Variants in VASP observed in about 807,000 individuals in gnomAD.
VASP encodes the protein vasodilator stimulated phosphoprotein, also known as vasodilator-stimulated phosphoprotein.
Under a neutral mutation model 54.4 loss-of-function variants are expected in VASP, and 27 were observed. The observed-to-expected ratio is 0.50, with a 90% CI of 0.37 to 0.68. VASP has a LOEUF of 0.68. VASP is among the 30% of genes least tolerant of loss of function. The probability of loss-of-function intolerance (pLI) is 0.00; values close to 1 mark genes in which losing one functional copy is unlikely to be tolerated. For synonymous variants in VASP, 233 were observed against 209.8 expected (o/e 1.11, Z -0.96); for missense variants, 488 against 528.3 (o/e 0.92, Z 0.75).
chr19:45,507,583 G>T lies in VASP; in HGVS notation c.-189G>T. On this transcript the variant is annotated 5_prime_UTR_variant, in exon 1 of 13. Transcript: ENST00000245932. This position sits in a 1 kb window ranked among gnomAD's most constrained non-coding sequence, Gnocchi z 4.4. ...GCAGGAACCTCTCATCAGACCGCCTGAGGGAAGCGGCGCCCGGAGACCCGC... is the reference window on the plus strand; with the variant it reads ...GCAGGAACCTCTCATCAGACCGCCTTAGGGAAGCGGCGCCCGGAGACCCGC... 4.9e-6 allele frequency: 3 copies of T among 610,854 alleles called. No individual in the cohort carries two copies. The highest frequency in any genetic ancestry group is 2.7e-6 in the Non-Finnish European group (1 of 372,144). The allele number at this position is 610,854 out of a possible 1,614,324, so 37.8% of individuals were successfully genotyped here.
At position 45,521,262 on chromosome 19, in the gene VASP, C is replaced by T. The variant is rs565433697; in HGVS notation, c.344-60C>T. On this transcript the variant is annotated intron_variant, in intron 3 of 12. Transcript: ENST00000245932. ...GGGAGGCCTGGGAGAGCAAGGGAAG[C>T]GCCAAGAGCTGAGCAGAGTTCTGGG... 5.4e-5 allele frequency: 80 copies of T among 1,477,790 alleles called. No homozygotes were observed. The African/African-American group carries it at 1.0e-3, about 19-fold the overall frequency. 91.5% of individuals were successfully genotyped at this position (1,477,790 alleles called of 1,614,324 possible). A position where few individuals can be genotyped will look rare whatever the true frequency, so the allele number is the denominator to read the frequency against.
chr19:45,519,754 T>C (rs543145562), intron 3 of VASP, among the ~76,000 whole-genome samples: 1 of 141,288 alleles, frequency 7.1e-6, no homozygotes, highest in African/African-American at 3.1e-5. Flanking sequence ...CGCCACCACA[T>C]CCAGCTAATT....
chr19:45,523,104 C>CT (rs1488266285), intron 7 of VASP, among the ~76,000 whole-genome samples: 1 of 151,876 alleles, frequency 6.6e-6, no homozygotes, highest in Non-Finnish European at 1.5e-5. Flanking sequence ...CAACACAGCA[C>CT]CGCTCCACCC....
In VASP at chr19:45,520,152, T is replaced by G. The variant is rs1054178774; in HGVS notation, c.344-1170T>G. On this transcript the variant is annotated intron_variant, in intron 3 of 12. Transcript: ENST00000245932. ...CCTGACCTCAGGTGATCCACTCGCC[T>G]CGGCCTCCCAGAGTGCTGAGATTAC... is the stretch of plus-strand genomic sequence containing the variant. 3.3e-5 allele frequency among the ~76,000 whole-genome samples: 5 copies of G among 152,232 alleles called. No individual in the cohort carries two copies. The East Asian group carries it at 9.7e-4, about 30-fold the overall frequency.
intron 7 of VASP, 67 bp from the exon 8 acceptor site, chr19:45,523,577 A>G: frequency 6.4e-7 from 1 of 1,569,606 alleles, no homozygotes; most frequent in Non-Finnish European, 8.7e-7. Flanking sequence ...CTACATTTCT[A>G]GAACTCCCCT....
At chr19:45,522,065 G>T in intron 4 of VASP, 103 bp from the exon 5 acceptor site, 1 of 1,526,846 alleles carries the variant, frequency 6.5e-7, no homozygotes, top group Non-Finnish European at 8.9e-7. Flanking sequence ...TTAGGAGCCA[G>T]CCACCCTGGA....
chr19:45,524,712 C>G (rs1352575023), intron 11 of VASP, 52 bp downstream of exon 11: 1 of 1,548,784 alleles, frequency 6.5e-7, no homozygotes. Context: ...TAGGTCTGGC[C>G]CCTGCCACTG....
intron 11 of VASP, among the ~76,000 whole-genome samples, chr19:45,525,290 G>A (rs1467834245): frequency 1.3e-5 from 2 of 152,164 alleles, no homozygotes; most frequent in African/African-American, 2.4e-5. Flanking sequence ...AAGGCCAGGT[G>A]CGGTGGCTCA....
At chr19:45,520,839 C>T (rs1968815347) in intron 3 of VASP, among the ~76,000 whole-genome samples, 1 of 152,194 alleles carries the variant, frequency 6.6e-6, no homozygotes, top group Non-Finnish European at 1.5e-5. Flanking sequence ...TGGCAGGCGC[C>T]TGTAATCCCA....
At chr19:45,526,091 G>T (rs1017223359) in intron 12 of VASP, 49 bp from the exon 13 acceptor site, 1 of 1,613,698 alleles carries the variant, frequency 6.2e-7, no homozygotes, top group Non-Finnish European at 8.5e-7. Context: ...TTTTGGAAGG[G>T]AGGAGGCAGA....
Position 45,522,148 on chromosome 19 carries a change from T to A in VASP, c.429-20T>A. ...CCTTAGGGCCCTGATTGACGGCAGC[T>A]CTCTCGCCTCCCCCCACAGGCAGCA... On this transcript the variant is annotated intron_variant, in intron 4 of 12. Transcript: ENST00000245932. 1 of 1,613,140 alleles carries A rather than the reference T, an allele frequency of 6.2e-7. No homozygotes were observed. Among genetic ancestry groups the A allele is most frequent in the Non-Finnish European group, 8.5e-7 (1 of 1,179,898 alleles).
chr19:45,524,364 C>A, intron 10 of VASP: 1 of 662,964 alleles, frequency 1.5e-6, no homozygotes. Flanking sequence ...ATCATGCCTG[C>A]ACTCCAGCCT....
At chr19:45,518,736 C>T (rs1458911264) in intron 3 of VASP, among the ~76,000 whole-genome samples, 1 of 152,226 alleles carries the variant, frequency 6.6e-6, no homozygotes, top group Admixed American at 6.5e-5. Context: ...ACAATCATGG[C>T]TCTCTGCAGC....
intron 3 of VASP, among the ~76,000 whole-genome samples, chr19:45,518,306 GC>G (rs1206853695): frequency 6.6e-6 from 1 of 152,196 alleles, no homozygotes; most frequent in Non-Finnish European, 1.5e-5. Context: ...CGTGGCTCAT[GC>G]CTGTAATCTC....
intron 4 of VASP, 130 bp from the exon 5 acceptor site, chr19:45,522,038 G>T (rs1968846814): frequency 1.7e-6 from 2 of 1,211,818 alleles, no homozygotes; most frequent in African/African-American, 3.0e-5. Context: ...CCTAGGGGAG[G>T]AAGGCTTGGG....
At chr19:45,515,641 A>G (rs1968687096) in intron 1 of VASP, among the ~76,000 whole-genome samples, 1 of 151,948 alleles carries the variant, frequency 6.6e-6, no homozygotes, top group Non-Finnish European at 1.5e-5. Flanking sequence ...GGTTCAAGCG[A>G]TTCTCCTGCG....
chr19:45,521,073 G>A (rs188364024), intron 3 of VASP, among the ~76,000 whole-genome samples: 3 of 152,308 alleles, frequency 2.0e-5, no homozygotes, highest in Admixed American at 6.5e-5. Flanking sequence ...ACTGTTCCCC[G>A]GGCCTTAGCT....
At chr19:45,521,864 G>C (rs752216615) in intron 4 of VASP, among the ~76,000 whole-genome samples, 16 of 151,836 alleles carry the variant, frequency 1.1e-4, no homozygotes, top group Non-Finnish European at 1.9e-4. Flanking sequence ...ACTCCAGCCT[G>C]GGTGACAGAG....
intron 1 of VASP, among the ~76,000 whole-genome samples, chr19:45,513,990 G>A (rs1402170023): frequency 1.3e-5 from 2 of 152,216 alleles, no homozygotes; most frequent in Non-Finnish European, 2.9e-5. Flanking sequence ...TTTGGCAGCG[G>A]AGACAGACAA....
Sources: gnomAD v4.1 joint callset for allele counts (sites outside exome capture counted in the v4.1 genomes callset) on GRCh38, gnomAD v4.1.1 for gene constraint, Gnocchi (gnomAD v3.1) non-coding constraint, MANE v1.5 for transcripts, NCBI Gene and HGNC (gene_info 2026-07-23, HGNC 2026-07-21) for gene names.